The following CAB39 variants were observed in gnomAD, a reference collection of about 807,000 sequenced individuals.
CAB39 encodes calcium-binding protein 39.
In CAB39, 8 loss-of-function variants were observed where a neutral mutation model predicts 40.0. That is an observed-to-expected ratio of 0.20 (90% CI 0.12 to 0.36). The LOEUF is 0.36. Ranked by LOEUF, CAB39 falls within the 10% of genes least tolerant of loss-of-function variation. The probability of loss-of-function intolerance (pLI) is 1.00; values close to 1 mark genes in which losing one functional copy is unlikely to be tolerated. For missense variants in CAB39, 270 were observed against 401.1 expected, an observed-to-expected ratio of 0.67 and a Z score of 2.79; for synonymous variants, 156 against 141.6, an observed-to-expected ratio of 1.10 and a Z score of -0.72.
At chr2:230,746,733 T>A (rs951246715) in intron 1 of CAB39, among the ~76,000 whole-genome samples, 1 of 152,158 alleles carries the variant, frequency 6.6e-6, no homozygotes, top group African/African-American at 2.4e-5. Context: ...GGGTTTCAGG[T>A]GAAAATTTTC....
intron 2 of CAB39, 49 bp downstream of exon 2, chr2:230,760,164 C>A: frequency 8.8e-7 from 1 of 1,138,538 alleles, no homozygotes; most frequent in South Asian, 1.3e-5. Flanking sequence ...TTAGCAAATG[C>A]AAGACACCTT....
intron 1 of CAB39, among the ~76,000 whole-genome samples, chr2:230,724,108 G>A (rs1426607662): frequency 6.6e-6 from 1 of 151,994 alleles, no homozygotes; most frequent in Non-Finnish European, 1.5e-5. Context: ...TTAGCTGAGT[G>A]TGGTGACGCA....
At chr2:230,762,797 A>G (rs1228207986) in intron 2 of CAB39, among the ~76,000 whole-genome samples, 1 of 152,228 alleles carries the variant, frequency 6.6e-6, no homozygotes, top group Non-Finnish European at 1.5e-5. Context: ...TAAGATGAAC[A>G]AGGTCTCTGC....
chr2:230,774,565 G>C (rs1198599805), intron 2 of CAB39, among the ~76,000 whole-genome samples: 1 of 152,206 alleles, frequency 6.6e-6, no homozygotes, highest in Non-Finnish European at 1.5e-5. Flanking sequence ...CCCACCACAT[G>C]CTGTATAAAG....
chr2:230,740,062 A>G (rs1390135437), intron 1 of CAB39, among the ~76,000 whole-genome samples: 2 of 152,230 alleles, frequency 1.3e-5, no homozygotes, highest in Non-Finnish European at 2.9e-5. Flanking sequence ...CATAGTAAGT[A>G]TAAGTGCTAT....
chr2:230,797,764 G>A (rs1696014546), intron 4 of CAB39, among the ~76,000 whole-genome samples: 1 of 152,166 alleles, frequency 6.6e-6, no homozygotes, highest in African/African-American at 2.4e-5. Flanking sequence ...CAGTCAGAGA[G>A]ATAGAAAGGA....
intron 1 of CAB39, chr2:230,725,190 TGG>T (rs1368441014): frequency 6.2e-7 from 1 of 1,609,184 alleles, no homozygotes. Context: ...CGGGACTGCT[TGG>T]CGCTGGCGCC....
intron 1 of CAB39, among the ~76,000 whole-genome samples, chr2:230,727,827 G>T (rs1001068018): frequency 2.0e-5 from 3 of 152,036 alleles, no homozygotes; most frequent in African/African-American, 7.3e-5. Context: ...TTATATAAAT[G>T]ATATACCTAA....
chr2:230,782,095 A>G (rs1308104403), intron 2 of CAB39, among the ~76,000 whole-genome samples: 1 of 152,020 alleles, frequency 6.6e-6, no homozygotes, highest in African/African-American at 2.4e-5. Context: ...CGAACTCCTG[A>G]CCTCAGGTGG....
chr2:230,818,688 C>T lies in CAB39; in HGVS notation c.1010C>T (p.Ala337Val). The change falls in exon 9 of 9, where the codon GCT becomes GTT. Residue 337 changes from alanine (A) to valine (V), a missense_variant. Ala to Val is a moderately conservative substitution (Grantham distance 64). Transcript: ENST00000258418. ...VKQIRDLKRP[A>V]QQEA is the part of the protein sequence containing the mutation. ...CAGATCAGGGATTTGAAGAGACCAGCTCAGCAAGAAGCTTAATCTCCAATA... is the reference window on the plus strand; with the variant it reads ...CAGATCAGGGATTTGAAGAGACCAGTTCAGCAAGAAGCTTAATCTCCAATA... 1 of 1,613,324 alleles carries T rather than the reference C, an allele frequency of 6.2e-7. No individual in the cohort carries two copies. Among genetic ancestry groups the T allele is most frequent in the Non-Finnish European group, 8.5e-7 (1 of 1,179,514 alleles).
At chr2:230,818,495 T>C (rs771960565) in intron 8 of CAB39, 21 bp from the exon 9 acceptor site, 13 of 1,607,132 alleles carry the variant, frequency 8.1e-6, no homozygotes, top group East Asian at 2.2e-5. Flanking sequence ...CTGTGCCTCA[T>C]GTGCGTTTCT....
chr2:230,793,750 T>C (rs1346116890), intron 4 of CAB39, among the ~76,000 whole-genome samples: 1 of 152,254 alleles, frequency 6.6e-6, no homozygotes, highest in South Asian at 2.1e-4. Flanking sequence ...GCATGGATTC[T>C]CTACAGCTTT....
chr2:230,773,310 A>ATGTGTGTGTGTGTGTG (rs772464376), intron 2 of CAB39, among the ~76,000 whole-genome samples: 11 of 84,446 alleles, frequency 1.3e-4, no homozygotes, highest in African/African-American at 2.9e-4. Context: ...ATATATATAT[A>ATGTGTGTGTGTGTGTG]TATATGTGTG....
intron 6 of CAB39, among the ~76,000 whole-genome samples, chr2:230,810,592 G>A (rs190827215): frequency 2.4e-4 from 36 of 152,324 alleles, no homozygotes; most frequent in Admixed American, 2.1e-3. Context: ...AGTAAAGATA[G>A]TAGGAAAATT....
intron 1 of CAB39, among the ~76,000 whole-genome samples, chr2:230,758,046 C>A (rs1695223471): frequency 6.6e-6 from 1 of 152,102 alleles, no homozygotes; most frequent in South Asian, 2.1e-4. Context: ...CACCTGTAAT[C>A]CCAGCACTTT....
intron 1 of CAB39, among the ~76,000 whole-genome samples, chr2:230,745,549 G>C (rs1438814223): frequency 6.6e-6 from 1 of 152,230 alleles, no homozygotes; most frequent in African/African-American, 2.4e-5. Flanking sequence ...CTTTATCAAT[G>C]ATGAGCAATA....
At chr2:230,752,518 G>C (rs957377712) in intron 1 of CAB39, among the ~76,000 whole-genome samples, 1 of 152,224 alleles carries the variant, frequency 6.6e-6, no homozygotes, top group African/African-American at 2.4e-5. Flanking sequence ...AATGGCAGAA[G>C]AGAGCAATCC....
intron 2 of CAB39, among the ~76,000 whole-genome samples, chr2:230,772,587 C>T (rs1396366342): frequency 1.3e-5 from 2 of 151,802 alleles, no homozygotes; most frequent in African/African-American, 4.8e-5. Flanking sequence ...CTGGTTCACA[C>T]CATTCTCCTG....
rs139558486 is a variant in CAB39 at position 230,785,116 on chromosome 2, T to A, written c.115-5756T>A. Among the ~76,000 whole-genome samples, 377 of 152,334 alleles carry A rather than the reference T, an allele frequency of 2.5e-3. 1 individual carries two copies. The highest frequency in any genetic ancestry group is 8.9e-3 in the African/African-American group (368 of 41,574). The stretch of plus-strand genomic sequence containing the variant: ...GCAAGCTAGGAGAGCTGATTTGGAA[T>A]ACATACATATACACACTAATAGTGC... On this transcript the variant is annotated intron_variant, in intron 2 of 8. Coordinates refer to ENST00000258418, the MANE Select transcript of CAB39 (RefSeq NM_016289.4).
Sources: gnomAD v4.1 joint callset for allele counts (sites outside exome capture counted in the v4.1 genomes callset) on GRCh38, gnomAD v4.1.1 for gene constraint, MANE v1.5 for transcripts, NCBI Gene and HGNC (gene_info 2026-07-23, HGNC 2026-07-21) for gene names.